CDH13: variants seen among roughly 807,000 people sequenced by gnomAD.
CDH13 encodes the protein cadherin 13.
CDH13 carries 24 observed loss-of-function variants against 63.8 expected under a neutral mutation model. The ratio of observed to expected loss-of-function variants is 0.38; its 90% CI spans 0.27 to 0.53. The LOEUF (loss-of-function observed/expected upper bound fraction) is 0.53. Among genes scored for constraint, CDH13 ranks in the 20% least tolerant of loss-of-function variants. CDH13 has a pLI of 0.85. For missense variants in CDH13, 1,049 were observed against 903.1 expected (o/e 1.16, Z -2.07); for synonymous variants, 503 against 355.3 (o/e 1.42, Z -4.67).
chr16:83,382,495 T>A (rs529791834), intron 6 of CDH13, among the ~76,000 whole-genome samples: 1 of 152,224 alleles, frequency 6.6e-6, no homozygotes, highest in Admixed American at 6.5e-5. Flanking sequence ...TATGTATGTA[T>A]CTATGTGATG....
Position 83,395,181 on chromosome 16 carries a change from G to A in CDH13, c.781+50175G>A, listed in dbSNP as rs564548470. ...AAAAAAAAAATAGCTGGGTGTGGTG[G>A]CATGTGCCTGTAATCCCAGCTACTT... On this transcript the variant is annotated intron_variant, in intron 6 of 13. Coordinates refer to ENST00000567109, the MANE Select transcript of CDH13 (RefSeq NM_001257.5). Among the ~76,000 whole-genome samples the A allele has an allele frequency of 4.0e-5, 6 of 151,634 alleles. No individual in the cohort carries two copies. The East Asian group carries it at 1.2e-3, about 30-fold the overall frequency.
chr16:83,097,917 C>T (rs1038732285), intron 3 of CDH13, among the ~76,000 whole-genome samples: 1 of 151,934 alleles, frequency 6.6e-6, no homozygotes, highest in African/African-American at 2.4e-5. Context: ...AAATATCCAC[C>T]TAGTACCTAC....
At chr16:82,789,289 C>T (rs577909246) in intron 1 of CDH13, among the ~76,000 whole-genome samples, 1 of 152,160 alleles carries the variant, frequency 6.6e-6, no homozygotes, top group Non-Finnish European at 1.5e-5. Flanking sequence ...CTAATTCAGT[C>T]TGATTCCTTA....
chr16:83,159,584 T>C (rs542417463), intron 4 of CDH13, among the ~76,000 whole-genome samples: 13 of 152,302 alleles, frequency 8.5e-5, no homozygotes, highest in Admixed American at 3.9e-4. Context: ...CATGTTAACA[T>C]AGGCACATAA....
rs1481179943 is a variant in CDH13, at chr16:82,689,669, GC to G, written c.45+62537del. Reference sequence around the variant, plus strand: ...TAAATCAGGATCATGGATGTGCATAGCCCCCTCCCGTTTCTGTAAAGTATTG... The same window carrying G: ...TAAATCAGGATCATGGATGTGCATAGCCCCTCCCGTTTCTGTAAAGTATTG... On this transcript the variant is annotated intron_variant, in intron 1 of 13. Transcript: ENST00000567109. Among the ~76,000 whole-genome samples the G allele has an allele frequency of 2.6e-5, 4 of 152,190 alleles. No individual in the cohort carries two copies. The East Asian group carries it at 7.7e-4, about 29-fold the overall frequency.
chr16:83,164,492 C>T (rs2151716891), intron 4 of CDH13, among the ~76,000 whole-genome samples: 1 of 152,032 alleles, frequency 6.6e-6, no homozygotes, highest in Middle Eastern at 3.4e-3. Context: ...TCTAGGGGCC[C>T]CACAGATCTC....
intron 2 of CDH13, among the ~76,000 whole-genome samples, chr16:82,914,163 A>T (rs1011177099): frequency 2.0e-5 from 3 of 152,130 alleles, no homozygotes; most frequent in African/African-American, 7.2e-5. Flanking sequence ...TAGATCCTTC[A>T]CTAGACTCTA....
At chr16:82,766,640 T>C (rs2035063253) in intron 1 of CDH13, among the ~76,000 whole-genome samples, 1 of 152,200 alleles carries the variant, frequency 6.6e-6, no homozygotes, top group African/African-American at 2.4e-5. Flanking sequence ...TCTATCATAA[T>C]AATAGGAGCC....
At chr16:83,708,977 T>C (rs998223484) in intron 10 of CDH13, among the ~76,000 whole-genome samples, 2 of 152,152 alleles carry the variant, frequency 1.3e-5, no homozygotes, top group African/African-American at 2.4e-5. Flanking sequence ...TGAGCCAAGA[T>C]CATGCCACTG....
At chr16:83,050,972 G>T (rs746504349) in intron 3 of CDH13, among the ~76,000 whole-genome samples, 5 of 152,078 alleles carry the variant, frequency 3.3e-5, no homozygotes, top group African/African-American at 4.8e-5. Context: ...GTTTCTACCT[G>T]CAAACTCTTC....
At chr16:83,072,965 C>T (rs1597275030) in intron 3 of CDH13, among the ~76,000 whole-genome samples, 1 of 152,132 alleles carries the variant, frequency 6.6e-6, no homozygotes, top group East Asian at 1.9e-4. Context: ...ATGATGTGGC[C>T]TTTCAGAGAG....
Position 83,508,041 on chromosome 16 carries a change from AAG to A in CDH13, c.960+21392_960+21393del, listed in dbSNP as rs1329857110. On this transcript the variant is annotated intron_variant, in intron 7 of 13. Coordinates refer to ENST00000567109, the MANE Select transcript of CDH13 (RefSeq NM_001257.5). ...GAGCAACATTCGGTCGAAAGAAAGAAAGAGAGAAAGAGAAGAAGGAAGGAAGG... is the reference window on the plus strand; with the variant it reads ...GAGCAACATTCGGTCGAAAGAAAGAAAGAGAAAGAGAAGAAGGAAGGAAGG... Among the ~76,000 whole-genome samples the A allele has an allele frequency of 7.5e-5, 10 of 132,892 alleles. No individual in the cohort carries two copies. In the East Asian group the frequency reaches 2.3e-3, roughly 31 times the overall value. The allele number at this position is 132,892 out of a possible 152,430, so 87.2% of individuals were successfully genotyped here. A position where few individuals can be genotyped will look rare whatever the true frequency, so the allele number is the denominator to read the frequency against.
chr16:82,784,398 C>T (rs902966130), intron 1 of CDH13, among the ~76,000 whole-genome samples: 4 of 152,136 alleles, frequency 2.6e-5, no homozygotes, highest in African/African-American at 9.7e-5. Context: ...CCAGCAAGGG[C>T]AATGAGGAAA....
intron 8 of CDH13, among the ~76,000 whole-genome samples, chr16:83,629,665 C>T (rs75472896): frequency 6.6e-6 from 1 of 152,206 alleles, no homozygotes; most frequent in Non-Finnish European, 1.5e-5. Flanking sequence ...TCATTTATCA[C>T]TCTGGGGACA....
chr16:83,169,127 A>C (rs537092851), intron 4 of CDH13, among the ~76,000 whole-genome samples: 1 of 152,070 alleles, frequency 6.6e-6, no homozygotes, highest in Non-Finnish European at 1.5e-5. Flanking sequence ...TATGACATCT[A>C]TGGCATATGA....
chr16:82,999,982 G>C (rs1912687069), intron 2 of CDH13, among the ~76,000 whole-genome samples: 1 of 152,090 alleles, frequency 6.6e-6, no homozygotes, highest in South Asian at 2.1e-4. Context: ...GTAGAATTCA[G>C]AGATGCTGTT....
chr16:83,544,251 G>C (rs1008381408), intron 7 of CDH13, among the ~76,000 whole-genome samples: 1 of 152,134 alleles, frequency 6.6e-6, no homozygotes, highest in Non-Finnish European at 1.5e-5. Context: ...GAGTGTTAAA[G>C]TCCTAAATAA....
intron 1 of CDH13, among the ~76,000 whole-genome samples, chr16:82,779,804 A>C (rs1311738115): frequency 6.6e-6 from 1 of 152,062 alleles, no homozygotes; most frequent in Non-Finnish European, 1.5e-5. Context: ...AAGATTTTGG[A>C]AGTCGAGGGA....
At chr16:82,710,399 G>C (rs1167533420) in intron 1 of CDH13, among the ~76,000 whole-genome samples, 1 of 145,888 alleles carries the variant, frequency 6.9e-6, no homozygotes, top group Non-Finnish European at 1.5e-5. Flanking sequence ...TGCGCATGGT[G>C]GTGGGTGCTG....
Sources: allele counts gnomAD v4.1 joint callset (sites outside exome capture counted in the v4.1 genomes callset), GRCh38; gene constraint gnomAD v4.1.1; transcripts MANE v1.5; gene names NCBI Gene and HGNC (gene_info 2026-07-23, HGNC 2026-07-21).